Variants in CRTAP observed in about 807,000 individuals in gnomAD.
The protein encoded by CRTAP is cartilage associated protein.
Under a neutral mutation model 42.7 loss-of-function variants are expected in CRTAP, and 33 were observed. That is an observed-to-expected ratio of 0.77 (90% CI 0.59 to 1.03). The LOEUF (loss-of-function observed/expected upper bound fraction) is 1.03. Ranked by LOEUF, CRTAP falls within the 50% of genes least tolerant of loss-of-function variation. The pLI, the probability that CRTAP is intolerant of heterozygous loss-of-function variation, is 0.00. For missense variants in CRTAP, 613 were observed against 533.9 expected (o/e 1.15, Z -1.46); for synonymous variants, 243 against 217.7 (o/e 1.12, Z -1.02).
chr3:33,130,206 A>T, intron 4 of CRTAP, 139 bp downstream of exon 4: 1 of 860,678 alleles, frequency 1.2e-6, no homozygotes, highest in Non-Finnish European at 1.9e-6. Flanking sequence ...TTTGCACAAA[A>T]AGGCAGCATG....
intron 1 of CRTAP, 30 bp downstream of exon 1, chr3:33,114,578 C>A (rs1310966316): frequency 1.9e-6 from 3 of 1,548,442 alleles, no homozygotes; most frequent in Non-Finnish European, 2.6e-6. Context: ...TCCCAGGCCC[C>A]GGCCCCGCCC....
rs957145173 is a variant in CRTAP, at chr3:33,145,965, T to G, written c.*3517T>G. On this transcript the variant is annotated 3_prime_UTR_variant, in exon 7 of 7. Coordinates refer to ENST00000320954, the MANE Select transcript of CRTAP (RefSeq NM_006371.5). This position sits in a 1 kb window ranked among gnomAD's most constrained non-coding sequence, Gnocchi z 4.3. ...AGTACAGTCAATATTGTCAGTACTT[T>G]GCTTTGATTGAAGGCTGTAGAGCTG... 6.6e-6 allele frequency: 1 copy of G among 152,118 alleles called. No individual in the cohort carries two copies. The highest frequency in any genetic ancestry group is 1.5e-5 in the Non-Finnish European group (1 of 68,046). The allele number at this position is 152,118 out of a possible 1,614,324, so 9.4% of individuals were successfully genotyped here.
At chr3:33,129,789 A>T (rs902015918) in intron 3 of CRTAP, 150 bp from the exon 4 acceptor site, 2 of 632,364 alleles carry the variant, frequency 3.2e-6, no homozygotes, top group Non-Finnish European at 5.6e-6. Context: ...CGCCCGCCTC[A>T]GCCTCCCGAA....
At chr3:33,115,170 T>G (rs940933291) in intron 1 of CRTAP, 2 of 152,220 alleles carry the variant, frequency 1.3e-5, no homozygotes, top group Admixed American at 6.6e-5. Context: ...GATCTCGAAC[T>G]CCCGGACTCA....
intron 1 of CRTAP, among the ~76,000 whole-genome samples, chr3:33,115,850 TTACTTCTA>T (rs1701336268): frequency 1.3e-5 from 2 of 152,086 alleles, no homozygotes; most frequent in South Asian, 4.2e-4. Flanking sequence ...AAAAGCTGGG[TTACTTCTA>T]TACTTCTATG....
In CRTAP at chr3:33,129,012, CTG is replaced by C. The variant is rs1372798954; in HGVS notation, c.794-923_794-922del. ...GGTTCACCTTACTCTCTTTCAAAGG[CTG>C]TGTAGATTCTGTTATTTTTATATAC... On this transcript the variant is annotated intron_variant, in intron 3 of 6. Coordinates refer to ENST00000320954, the MANE Select transcript of CRTAP (RefSeq NM_006371.5). 3.9e-5 allele frequency among the ~76,000 whole-genome samples: 6 copies of C among 152,308 alleles called. No homozygotes were observed. In the South Asian group the frequency reaches 1.2e-3, roughly 32 times the overall value.
chr3:33,114,169 A>G lies in CRTAP; in HGVS notation c.92A>G (p.Tyr31Cys), dbSNP rs372115693. 1.2e-5 allele frequency: 19 copies of G among 1,590,358 alleles called. No individual in the cohort carries two copies. Among genetic ancestry groups the G allele is most frequent in the Non-Finnish European group, 1.5e-5 (18 of 1,175,648 alleles). Residue 31 changes from tyrosine to cysteine, a missense_variant, in exon 1 of 7, where the codon TAC becomes TGC. By Grantham distance (194) the Tyr-to-Cys change is radical. Coordinates refer to ENST00000320954, the MANE Select transcript of CRTAP (RefSeq NM_006371.5). ...LRAGRAQYER[Y>C]SFRSFPRDEL... is the part of the protein sequence containing the mutation. ...GCCGGGCGCGCCCAATACGAACGCT[A>G]CAGCTTCCGCAGCTTCCCACGGGAC...
chr3:33,131,695 ATG>A (rs1559435712), intron 4 of CRTAP, among the ~76,000 whole-genome samples: 1,730 of 152,188 alleles, frequency 0.011, 45 homozygotes, highest in African/African-American at 0.039. Flanking sequence ...ACCACCTACC[ATG>A]CTACATTGCT....
rs935134776 is a variant in CRTAP at position 33,114,294 on chromosome 3, C to T, written c.217C>T (p.Leu73=). ...GGGCTACCTGGAGATCAGCCTGCGGCTGCACCGCTTGCTGCGCGACAGCGA... is the reference window on the plus strand; with the variant it reads ...GGGCTACCTGGAGATCAGCCTGCGGTTGCACCGCTTGCTGCGCGACAGCGA... ...SVGYLEISLR[L]HRLLRDSEAF... The change falls in exon 1 of 7, where the codon CTG becomes TTG. Residue 73 remains leucine, a synonymous_variant. Transcript: ENST00000320954. 9.6e-6 allele frequency: 15 copies of T among 1,568,024 alleles called. No homozygotes were observed. In the African/African-American group the frequency reaches 1.4e-4, roughly 14 times the overall value.
rs2029865541 is a variant in CRTAP, at chr3:33,120,206, G to A, written c.472-138G>A. The A allele has an allele frequency of 8.9e-6, 7 of 790,872 alleles. No homozygotes were observed. In the East Asian group the frequency reaches 1.8e-4, roughly 20 times the overall value. 49.0% of individuals were successfully genotyped at this position (790,872 alleles called of 1,614,324 possible). On this transcript the variant is annotated intron_variant, in intron 1 of 6. Transcript: ENST00000320954. ...CAGTGCCTGGACTTGGTCTTGAGGGGCCCTGGAAGTCATGGAACCTTTAGC... is the reference window on the plus strand; with the variant it reads ...CAGTGCCTGGACTTGGTCTTGAGGGACCCTGGAAGTCATGGAACCTTTAGC...
At position 33,142,480 on chromosome 3, in the gene CRTAP, G is replaced by A. The variant is rs758494897; in HGVS notation, c.*32G>A. On this transcript the variant is annotated 3_prime_UTR_variant, in exon 7 of 7. Coordinates refer to ENST00000320954, the MANE Select transcript of CRTAP (RefSeq NM_006371.5). Reference sequence around the variant, plus strand: ...GCAACCAAAGAGACTTCCTCTTGGCGTTCAGGAAACACAGATTCTTTGTCC... The same window carrying A: ...GCAACCAAAGAGACTTCCTCTTGGCATTCAGGAAACACAGATTCTTTGTCC... 2.1e-4 allele frequency: 337 copies of A among 1,607,318 alleles called. No individual in the cohort carries two copies. The highest frequency in any genetic ancestry group is 2.5e-4 in the Non-Finnish European group (298 of 1,173,878).
intron 3 of CRTAP, among the ~76,000 whole-genome samples, chr3:33,126,335 A>C (rs944183384): frequency 6.6e-6 from 1 of 152,174 alleles, no homozygotes; most frequent in South Asian, 2.1e-4. Flanking sequence ...CTTCCGCCAT[A>C]TCTTTTCCCC....
In CRTAP at chr3:33,123,748, G is replaced by A. The variant is rs539581446; in HGVS notation, c.622-660G>A. Among the ~76,000 whole-genome samples the A allele has an allele frequency of 5.3e-5, 8 of 150,386 alleles. No individual in the cohort carries two copies. In the Admixed American group the frequency reaches 5.3e-4, roughly 10 times the overall value. On this transcript the variant is annotated intron_variant, in intron 2 of 6. Transcript: ENST00000320954. Reference sequence around the variant, plus strand: ...AGGTTCAAGTGATTCTTGTGCCTCAGCCTCGTGAGTAGCTGGGACTACAAG... The same window carrying A: ...AGGTTCAAGTGATTCTTGTGCCTCAACCTCGTGAGTAGCTGGGACTACAAG...
Position 33,142,478 on chromosome 3 carries a change from G to T in CRTAP, c.*30G>T, listed in dbSNP as rs1410678997. ...CAGCAACCAAAGAGACTTCCTCTTG[G>T]CGTTCAGGAAACACAGATTCTTTGT... On this transcript the variant is annotated 3_prime_UTR_variant, in exon 7 of 7. Coordinates refer to ENST00000320954, the MANE Select transcript of CRTAP (RefSeq NM_006371.5). 1 of 1,610,182 alleles carries T rather than the reference G, an allele frequency of 6.2e-7. No homozygotes were observed. The highest frequency in any genetic ancestry group is 2.2e-5 in the East Asian group (1 of 44,840).
chr3:33,126,378 G>A (rs755501904), intron 3 of CRTAP, among the ~76,000 whole-genome samples: 5 of 152,034 alleles, frequency 3.3e-5, no homozygotes, highest in Non-Finnish European at 5.9e-5. Flanking sequence ...TTTTTGTCCC[G>A]TAGAGATTCC....
intron 6 of CRTAP, among the ~76,000 whole-genome samples, chr3:33,135,901 C>T (rs932516146): frequency 6.6e-6 from 1 of 152,062 alleles, no homozygotes; most frequent in Non-Finnish European, 1.5e-5. Context: ...AAATGAAATT[C>T]TCCTTTTTAA....
rs533250105 is a variant in CRTAP at position 33,139,572 on chromosome 3, G to C, written c.1153-2823G>C. Among the ~76,000 whole-genome samples, 4 of 151,706 alleles carry C rather than the reference G, an allele frequency of 2.6e-5. No homozygotes were observed. In the South Asian group the frequency reaches 6.2e-4, roughly 24 times the overall value. ...GCTCACTGCAACCTCCGCCTCCCAGGTTCAAGTGATTCTCCTGCCTCGCCC... is the reference window on the plus strand; with the variant it reads ...GCTCACTGCAACCTCCGCCTCCCAGCTTCAAGTGATTCTCCTGCCTCGCCC... On this transcript the variant is annotated intron_variant, in intron 6 of 6. Coordinates refer to ENST00000320954, the MANE Select transcript of CRTAP (RefSeq NM_006371.5).
intron 6 of CRTAP, among the ~76,000 whole-genome samples, chr3:33,139,492 T>C (rs964723179): frequency 6.6e-6 from 1 of 151,918 alleles, no homozygotes; most frequent in Non-Finnish European, 1.5e-5. Context: ...TTTTTTTTTT[T>C]TGAGACGGAG....
At chr3:33,141,961 T>C (rs2030586237) in intron 6 of CRTAP, among the ~76,000 whole-genome samples, 1 of 152,208 alleles carries the variant, frequency 6.6e-6, no homozygotes, top group South Asian at 2.1e-4. Context: ...TTCTGTGTGC[T>C]GGACTCTGGG....
Sources: gnomAD v4.1 joint callset for allele counts (sites outside exome capture counted in the v4.1 genomes callset) on GRCh38, gnomAD v4.1.1 for gene constraint, Gnocchi (gnomAD v3.1) non-coding constraint, MANE v1.5 for transcripts, NCBI Gene and HGNC (gene_info 2026-07-23, HGNC 2026-07-21) for gene names.